The following SKAP2 variants were observed in gnomAD, a reference collection of about 807,000 sequenced individuals.
The protein encoded by SKAP2 is src kinase associated phosphoprotein 2, also known as src kinase-associated phosphoprotein 2.
Under a neutral mutation model 54.9 loss-of-function variants are expected in SKAP2, and 28 were observed. The ratio of observed to expected loss-of-function variants is 0.51; its 90% confidence interval spans 0.38 to 0.70. The LOEUF is 0.70. SKAP2 is among the 30% of genes least tolerant of loss of function. The pLI is 0.00. For missense variants in SKAP2, 356 were observed against 424.1 expected (o/e 0.84, Z 1.41); for synonymous variants, 137 against 134.3 (o/e 1.02, Z -0.14).
intron 4 of SKAP2, among the ~76,000 whole-genome samples, chr7:26,743,251 T>A (rs1012677636): frequency 2.0e-5 from 3 of 152,210 alleles, no homozygotes; most frequent in African/African-American, 7.2e-5. Context: ...ATAGTAGGCA[T>A]TCAGTAAACG....
intron 11 of SKAP2, among the ~76,000 whole-genome samples, chr7:26,672,537 CAT>C (rs1786264395): frequency 6.6e-6 from 1 of 151,902 alleles, no homozygotes; most frequent in African/African-American, 2.4e-5. Flanking sequence ...ACATAGGAAA[CAT>C]ACACTTGATA....
the SKAP2 span, among the ~76,000 whole-genome samples, chr7:26,658,057 T>A: frequency 6.6e-6 from 1 of 152,212 alleles, no homozygotes; most frequent in Non-Finnish European, 1.5e-5. Context: ...TTGCTTATTC[T>A]GCAGATAGTA....
intron 4 of SKAP2, among the ~76,000 whole-genome samples, chr7:26,744,798 G>A (rs1782527576): frequency 6.6e-6 from 1 of 151,706 alleles, no homozygotes; most frequent in Non-Finnish European, 1.5e-5. Context: ...CTCTTTAAAT[G>A]CATTAATTTT....
At chr7:26,703,604 C>T (rs955538507) in intron 9 of SKAP2, among the ~76,000 whole-genome samples, 9 of 152,134 alleles carry the variant, frequency 5.9e-5, no homozygotes. Context: ...ATTAAACTCT[C>T]TGAACCTCAG....
chr7:26,837,732 G>A (rs1784744256), intron 4 of SKAP2, among the ~76,000 whole-genome samples: 2 of 149,822 alleles, frequency 1.3e-5, no homozygotes, highest in Admixed American at 1.3e-4. Context: ...GCTCCCAGAT[G>A]ATGCTGATAC....
chr7:26,831,993 CT>C (rs1214533416), intron 4 of SKAP2, among the ~76,000 whole-genome samples: 1 of 152,096 alleles, frequency 6.6e-6, no homozygotes, highest in East Asian at 1.9e-4. Context: ...ATTCCCTTAA[CT>C]TATGTAGAAA....
intron 10 of SKAP2, among the ~76,000 whole-genome samples, chr7:26,688,583 C>T (rs915719395): frequency 4.6e-5 from 7 of 152,136 alleles, no homozygotes; most frequent in African/African-American, 1.7e-4. Flanking sequence ...AAGGTCACTT[C>T]TATGCAAAAG....
At chr7:26,660,265 C>CA in the SKAP2 span, among the ~76,000 whole-genome samples, 2 of 151,824 alleles carry the variant, frequency 1.3e-5, no homozygotes, top group Non-Finnish European at 2.9e-5. Context: ...TTCAGTTATG[C>CA]AAAAATAGCA....
At chr7:26,845,942 T>A (rs555305519) in intron 3 of SKAP2, among the ~76,000 whole-genome samples, 21 of 151,718 alleles carry the variant, frequency 1.4e-4, no homozygotes, top group South Asian at 2.1e-4. Context: ...TAAAAAAAAA[T>A]TTTTTTAACA....
intron 3 of SKAP2, among the ~76,000 whole-genome samples, chr7:26,846,783 C>T (rs1253319589): frequency 3.9e-5 from 6 of 152,146 alleles, no homozygotes; most frequent in African/African-American, 1.2e-4. Context: ...GAGTTTGAGA[C>T]CAGCCTGGCC....
intron 9 of SKAP2, among the ~76,000 whole-genome samples, chr7:26,717,507 C>A (rs1180056964): frequency 6.4e-5 from 1 of 15,672 alleles, no homozygotes; most frequent in Admixed American, 9.3e-4. Flanking sequence ...AAGACCCCAT[C>A]TCAAAAAAAA....
In SKAP2 at chr7:26,784,076, A is replaced by G. The variant is rs191616230; in HGVS notation, c.308-44112T>C. Among the ~76,000 whole-genome samples the G allele has an allele frequency of 4.6e-3, 677 of 145,668 alleles. 4 individuals are homozygous for G. Among genetic ancestry groups the G allele is most frequent in the African/African-American group, 0.016 (640 of 39,296 alleles). On this transcript the variant is annotated intron_variant, in intron 4 of 12. Coordinates refer to ENST00000345317, the MANE Select transcript of SKAP2 (RefSeq NM_003930.5). ...TCCACCCTCACTTTTTCACCCCACT[A>G]CCCCCATCTCCAGTTAGGGAGGCAC...
intron 4 of SKAP2, among the ~76,000 whole-genome samples, chr7:26,756,424 GGT>G (rs1188588351): frequency 3.3e-5 from 5 of 152,078 alleles, no homozygotes; most frequent in African/African-American, 1.2e-4. Flanking sequence ...GAGAACATGT[GGT>G]GTTTGGTTTT....
At position 26,715,394 on chromosome 7, in the gene SKAP2, T is replaced by C. The variant is rs143508155; in HGVS notation, c.796+10034A>G. ...CTTGTTAAAGTTTCTTTTCCTTATTTTATCCTTGAATCATTGTAAATAATG... is the reference window on the plus strand; with the variant it reads ...CTTGTTAAAGTTTCTTTTCCTTATTCTATCCTTGAATCATTGTAAATAATG... On this transcript the variant is annotated intron_variant, in intron 9 of 12. Coordinates refer to ENST00000345317, the MANE Select transcript of SKAP2 (RefSeq NM_003930.5). 3.3e-5 allele frequency among the ~76,000 whole-genome samples: 5 copies of C among 151,890 alleles called. No individual in the cohort carries two copies. In the East Asian group the frequency reaches 9.6e-4, roughly 29 times the overall value.
Position 26,738,824 on chromosome 7 carries a change from G to GT in SKAP2, c.439dup (p.Thr147AsnfsTer9). The GT allele has an allele frequency of 3.1e-6, 5 of 1,602,892 alleles. No individual in the cohort carries two copies. Among genetic ancestry groups the GT allele is most frequent in the Non-Finnish European group, 4.3e-6 (5 of 1,170,230 alleles). On this transcript the variant is annotated frameshift_variant, in exon 6 of 13. Coordinates refer to ENST00000345317, the MANE Select transcript of SKAP2 (RefSeq NM_003930.5). LOFTEE classifies it high-confidence loss of function. ...ATCACTTCCATAATAATAGAATACC[G>GT]TTTTACTGAGAGCACACCACCGTTT...
Position 26,821,813 on chromosome 7 carries a change from A to G in SKAP2, c.307+22217T>C, listed in dbSNP as rs115838927. On this transcript the variant is annotated intron_variant, in intron 4 of 12. Transcript: ENST00000345317. ...CTATTTACTCCCCTTTGTCCCACCCATCAAGTTGATCCTACACTCCGGTTC... is the reference window on the plus strand; with the variant it reads ...CTATTTACTCCCCTTTGTCCCACCCGTCAAGTTGATCCTACACTCCGGTTC... Among the ~76,000 whole-genome samples the G allele has an allele frequency of 3.1e-3, 466 of 152,212 alleles. 1 individual carries two copies. The highest frequency in any genetic ancestry group is 0.011 in the African/African-American group (443 of 41,540).
At chr7:26,780,554 T>C (rs1218177732) in intron 4 of SKAP2, among the ~76,000 whole-genome samples, 1 of 152,134 alleles carries the variant, frequency 6.6e-6, no homozygotes, top group African/African-American at 2.4e-5. Flanking sequence ...ACTTAACTTA[T>C]GGGCACTGAA....
chr7:26,700,191 G>A (rs1278713824), intron 9 of SKAP2, among the ~76,000 whole-genome samples: 2 of 152,150 alleles, frequency 1.3e-5, no homozygotes, highest in Non-Finnish European at 2.9e-5. Context: ...CACAGCTGTA[G>A]AGTCAGTTAT....
intron 4 of SKAP2, among the ~76,000 whole-genome samples, chr7:26,769,901 A>T (rs1022407411): frequency 6.6e-6 from 1 of 152,148 alleles, no homozygotes; most frequent in Admixed American, 6.5e-5. Context: ...CCCTGCTGGG[A>T]GGTGTCTCCC....
Sources: gnomAD v4.1 joint callset for allele counts (sites outside exome capture counted in the v4.1 genomes callset) on GRCh38, gnomAD v4.1.1 for gene constraint, MANE v1.5 for transcripts, NCBI Gene and HGNC (gene_info 2026-07-23, HGNC 2026-07-21) for gene names.